The following LRRK2 variants were observed in gnomAD, a reference collection of about 807,000 sequenced individuals.
LRRK2 encodes leucine rich repeat kinase 2, also known as leucine-rich repeat serine/threonine-protein kinase 2.
A neutral mutation model predicts 302.6 loss-of-function variants in LRRK2; 203 were observed. The observed-to-expected ratio is 0.67, with a 90% CI of 0.60 to 0.75. The LOEUF is 0.75. LRRK2 is among the 30% of genes least tolerant of loss of function. The pLI, the probability that LRRK2 is intolerant of heterozygous loss-of-function variation, is 0.00. For synonymous variants in LRRK2, 1,066 were observed against 1,031.9 expected (o/e 1.03, Z -0.63); for missense variants, 2,830 against 2,951.0 (o/e 0.96, Z 0.95).
intron 16 of LRRK2, 22 bp from the exon 17 acceptor site, chr12:40,277,865 TA>T (rs765490030): frequency 5.1e-6 from 8 of 1,566,486 alleles, no homozygotes; most frequent in Non-Finnish European, 6.9e-6. Flanking sequence ...CTTATTTTAT[TA>T]TTTTTTTTCT....
rs559939527 is a variant in LRRK2, at chr12:40,343,414, G to C, written c.6109+2960G>C. Among the ~76,000 whole-genome samples the C allele has an allele frequency of 4.5e-4, 68 of 152,270 alleles. 1 individual carries two copies. Among genetic ancestry groups the C allele is most frequent in the South Asian group, 1.9e-3 (9 of 4,824 alleles). On this transcript the variant is annotated intron_variant, in intron 41 of 50. Coordinates refer to ENST00000298910, the MANE Select transcript of LRRK2 (RefSeq NM_198578.4). ...TTAACACACCCATATAAATACTATAGTCTTCGGGTAAATAAAATGTTACCG... is the reference window on the plus strand; with the variant it reads ...TTAACACACCCATATAAATACTATACTCTTCGGGTAAATAAAATGTTACCG...
chr12:40,263,580 C>T (rs1942873354), intron 13 of LRRK2, among the ~76,000 whole-genome samples: 1 of 152,114 alleles, frequency 6.6e-6, no homozygotes, highest in Admixed American at 6.6e-5. Context: ...CATTCTTACA[C>T]ATTATATTTA....
intron 20 of LRRK2, among the ~76,000 whole-genome samples, chr12:40,291,078 A>C (rs11175902): frequency 0.061 from 9,212 of 152,174 alleles, 389 homozygotes; most frequent in Admixed American, 0.13. Flanking sequence ...GCACATGTAC[A>C]CCATGGAATA....
At chr12:40,250,455 A>C (rs1412306169) in intron 8 of LRRK2, among the ~76,000 whole-genome samples, 2 of 152,180 alleles carry the variant, frequency 1.3e-5, no homozygotes, top group Middle Eastern at 3.2e-3. Flanking sequence ...GTGCCACTGC[A>C]CTCCAGCCTG....
At chr12:40,348,232 G>A (rs978777078) in intron 42 of LRRK2, among the ~76,000 whole-genome samples, 177 bp from the exon 43 acceptor site, 2 of 152,150 alleles carry the variant, frequency 1.3e-5, no homozygotes, top group African/African-American at 4.8e-5. Flanking sequence ...ACATCTCTTA[G>A]TGGAGATCAA....
intron 20 of LRRK2, among the ~76,000 whole-genome samples, chr12:40,290,948 T>C (rs1944121860): frequency 1.3e-5 from 2 of 152,138 alleles, no homozygotes. Context: ...AGGCTGTATA[T>C]GTCCTTATAA....
At chr12:40,289,390 C>A (rs1268560088) in intron 20 of LRRK2, among the ~76,000 whole-genome samples, 2 of 151,222 alleles carry the variant, frequency 1.3e-5, no homozygotes, top group South Asian at 2.1e-4. Context: ...ATTCTAGGTT[C>A]TTTGCATTTC....
At chr12:40,228,798 G>A (rs1028322881) in intron 2 of LRRK2, among the ~76,000 whole-genome samples, 2 of 152,116 alleles carry the variant, frequency 1.3e-5, no homozygotes, top group African/African-American at 4.8e-5. Flanking sequence ...TGTGGATCTA[G>A]TTTCCTTCTT....
At chr12:40,239,335 T>C (rs1941620902) in intron 5 of LRRK2, among the ~76,000 whole-genome samples, 1 of 152,174 alleles carries the variant, frequency 6.6e-6, no homozygotes, top group Non-Finnish European at 1.5e-5. Flanking sequence ...CAGGCTGTCA[T>C]GTATAAATGT....
chr12:40,248,231 TAAA>T (rs1942095529), intron 7 of LRRK2, among the ~76,000 whole-genome samples: 3 of 152,210 alleles, frequency 2.0e-5, no homozygotes, highest in Non-Finnish European at 4.4e-5. Flanking sequence ...CATGTTACAT[TAAA>T]ATGTGAATTC....
chr12:40,269,283 T>C (rs1230605788), intron 14 of LRRK2, among the ~76,000 whole-genome samples: 2 of 152,210 alleles, frequency 1.3e-5, no homozygotes, highest in African/African-American at 2.4e-5. Flanking sequence ...TCATTCATGC[T>C]GTTTGCCAGA....
At chr12:40,319,291 G>A (rs900683434) in intron 33 of LRRK2, among the ~76,000 whole-genome samples, 2 of 152,032 alleles carry the variant, frequency 1.3e-5, no homozygotes, top group Non-Finnish European at 2.9e-5. Flanking sequence ...GTGCAGTAAA[G>A]AAATCAAATA....
chr12:40,229,522 A>C (rs75143074), intron 2 of LRRK2, among the ~76,000 whole-genome samples: 2,333 of 152,218 alleles, frequency 0.015, 35 homozygotes, highest in Middle Eastern at 0.075. Context: ...TGTGCTCCTA[A>C]ATTTTACATC....
chr12:40,329,840 C>T (rs1181669030), intron 39 of LRRK2, among the ~76,000 whole-genome samples: 1 of 152,058 alleles, frequency 6.6e-6, no homozygotes, highest in Non-Finnish European at 1.5e-5. Context: ...TTCTGAGTAC[C>T]AGTGGTGATT....
chr12:40,266,681 T>C (rs1369538610), intron 14 of LRRK2, among the ~76,000 whole-genome samples: 1 of 152,194 alleles, frequency 6.6e-6, no homozygotes, highest in African/African-American at 2.4e-5. Flanking sequence ...TAAATCATGC[T>C]GCTATAAAGA....
chr12:40,322,390 G>A lies in LRRK2; in HGVS notation c.5389G>A (p.Glu1797Lys). The change falls in exon 37 of 51, where the codon GAG becomes AAG. Residue 1797 changes from glutamate to lysine, a missense_variant. Glu to Lys is a moderately conservative substitution (Grantham distance 56). Around this residue, in one of 3 missense-constraint regions of LRRK2, gnomAD observed 2,121 missense variants for 2,148.0 expected, o/e 0.99. Coordinates refer to ENST00000298910, the MANE Select transcript of LRRK2 (RefSeq NM_198578.4). ...LMEEWFPGLL[E>K]IDICGEGETL... The stretch of plus-strand genomic sequence containing the variant: ...GGAAGAATGGTTTCCTGGGTTGCTG[G>A]AGATTGATATTTGTGGTGAAGGAGA... 6.2e-7 allele frequency: 1 copy of A among 1,613,618 alleles called. No individual in the cohort carries two copies. Among genetic ancestry groups the A allele is most frequent in the Non-Finnish European group, 8.5e-7 (1 of 1,179,660 alleles).
At chr12:40,286,145 A>G (rs1232785427) in intron 19 of LRRK2, 2 of 152,014 alleles carry the variant, frequency 1.3e-5, no homozygotes, top group African/African-American at 4.8e-5. Context: ...TACCCAGTTA[A>G]AAAAACATAG....
At chr12:40,225,426 G>A (rs1940817612) in intron 1 of LRRK2, 129 bp from the exon 2 acceptor site, 1 of 1,259,670 alleles carries the variant, frequency 7.9e-7, no homozygotes, top group East Asian at 2.5e-5. Context: ...TTTCCTTAGG[G>A]CAGAAAGCAG....
chr12:40,256,565 C>T (rs1363213994), intron 11 of LRRK2, among the ~76,000 whole-genome samples: 1 of 152,204 alleles, frequency 6.6e-6, no homozygotes, highest in Admixed American at 6.5e-5. Context: ...GTTTCCTAGA[C>T]TTTGGCATTA....
Sources: gnomAD v4.1 joint callset for allele counts (sites outside exome capture counted in the v4.1 genomes callset) on GRCh38, gnomAD v4.1.1 for gene constraint, gnomAD v4.1.1 regional missense constraint, MANE v1.5 for transcripts, NCBI Gene and HGNC (gene_info 2026-07-23, HGNC 2026-07-21) for gene names.